Variants in PRKCQ observed in about 807,000 individuals in gnomAD.
PRKCQ encodes the protein protein kinase C theta type.
PRKCQ carries 41 observed loss-of-function variants against 91.2 expected under a neutral mutation model. The observed-to-expected ratio is 0.45, with a 90% confidence interval of 0.35 to 0.58. The LOEUF is 0.58. PRKCQ is among the 20% of genes least tolerant of loss of function. The probability of loss-of-function intolerance (pLI) is 0.00; values close to 1 mark genes in which losing one functional copy is unlikely to be tolerated. For synonymous variants in PRKCQ, 307 were observed against 316.9 expected (o/e 0.97, Z 0.33); for missense variants, 673 against 896.5 (o/e 0.75, Z 3.18).
chr10:6,399,397 C>G, the PRKCQ span, among the ~76,000 whole-genome samples: 1 of 152,336 alleles, frequency 6.6e-6, no homozygotes, highest in East Asian at 1.9e-4. Context: ...TGCTCCCTGC[C>G]TAGCCTGGAG....
chr10:6,568,274 CA>C (rs952282163), intron 1 of PRKCQ, among the ~76,000 whole-genome samples: 12 of 151,666 alleles, frequency 7.9e-5, no homozygotes, highest in Non-Finnish European at 1.2e-4. Context: ...CCAAAACTAA[CA>C]AAAAAAATTA....
chr10:6,495,528 G>T (rs1837540201), intron 7 of PRKCQ, among the ~76,000 whole-genome samples: 1 of 152,198 alleles, frequency 6.6e-6, no homozygotes, highest in Admixed American at 6.5e-5. Flanking sequence ...GTCTCAGTAG[G>T]CCACATGCTT....
the PRKCQ span, among the ~76,000 whole-genome samples, chr10:6,395,737 G>A: frequency 1.3e-5 from 2 of 152,194 alleles, no homozygotes; most frequent in Non-Finnish European, 2.9e-5. Flanking sequence ...AACAAGGACA[G>A]CTTGGAGGTT....
At chr10:6,562,674 C>T (rs941896777) in intron 1 of PRKCQ, among the ~76,000 whole-genome samples, 3 of 152,210 alleles carry the variant, frequency 2.0e-5, no homozygotes, top group Non-Finnish European at 4.4e-5. Context: ...GTCCCAAAAT[C>T]AGGCTTTGCT....
At chr10:6,525,752 T>C (rs1052952817) in intron 1 of PRKCQ, among the ~76,000 whole-genome samples, 2 of 152,220 alleles carry the variant, frequency 1.3e-5, no homozygotes, top group Non-Finnish European at 2.9e-5. Context: ...CAGAGGGTCA[T>C]TCCCAGGTTG....
the PRKCQ span, among the ~76,000 whole-genome samples, chr10:6,404,256 GAGAGAGA>G: frequency 6.3e-3 from 73 of 11,530 alleles, no homozygotes; most frequent in Admixed American, 9.7e-3. Context: ...AAGGGGGGGG[GAGAGAGA>G]GAGAGAGAGA....
intron 1 of PRKCQ, among the ~76,000 whole-genome samples, chr10:6,574,031 C>T (rs973676138): frequency 6.6e-6 from 1 of 152,124 alleles, no homozygotes; most frequent in Non-Finnish European, 1.5e-5. Flanking sequence ...CCGGAGGATC[C>T]CTTGAGCCTC....
intron 9 of PRKCQ, among the ~76,000 whole-genome samples, chr10:6,485,722 T>C (rs1836869542): frequency 6.6e-6 from 1 of 152,232 alleles, no homozygotes. Context: ...CCCCAGGCTA[T>C]TCTATAACCC....
intron 7 of PRKCQ, among the ~76,000 whole-genome samples, chr10:6,493,877 G>A (rs1837452959): frequency 6.6e-6 from 1 of 152,122 alleles, no homozygotes; most frequent in Non-Finnish European, 1.5e-5. Context: ...TAAATGTTAG[G>A]AGAAATTCTA....
At chr10:6,562,717 C>T (rs1840680333) in intron 1 of PRKCQ, among the ~76,000 whole-genome samples, 1 of 152,210 alleles carries the variant, frequency 6.6e-6, no homozygotes, top group African/African-American at 2.4e-5. Flanking sequence ...ATCATGGCAT[C>T]AAACTGCTTG....
the PRKCQ span, among the ~76,000 whole-genome samples, chr10:6,418,832 T>C: frequency 6.6e-6 from 1 of 152,242 alleles, no homozygotes; most frequent in Non-Finnish European, 1.5e-5. Context: ...CATCCATCTA[T>C]CTACCTATGT....
At chr10:6,532,614 C>T (rs772205028) in intron 1 of PRKCQ, among the ~76,000 whole-genome samples, 27 of 152,330 alleles carry the variant, frequency 1.8e-4, no homozygotes, top group East Asian at 1.5e-3. Context: ...CCTGTTCTTA[C>T]AAGACACCAA....
At chr10:6,523,392 A>C (rs1439157404) in intron 1 of PRKCQ, among the ~76,000 whole-genome samples, 1 of 152,212 alleles carries the variant, frequency 6.6e-6, no homozygotes. Flanking sequence ...TCGAGGCTGC[A>C]GTGAGCTGTG....
intron 1 of PRKCQ, among the ~76,000 whole-genome samples, chr10:6,573,988 C>T (rs917991894): frequency 3.3e-5 from 5 of 152,204 alleles, no homozygotes; most frequent in Non-Finnish European, 7.3e-5. Flanking sequence ...TGGTGGCATG[C>T]AACTGTAGTC....
chr10:6,431,280 G>A lies in PRKCQ; in HGVS notation c.1837-342C>T, dbSNP rs577614255. ...GCCCTCCTAACAGGGCTGATGTGAC[G>A]ATTTATAAGACAGCAATACACACAC... On this transcript the variant is annotated intron_variant, in intron 16 of 17. Coordinates refer to ENST00000263125, the MANE Select transcript of PRKCQ (RefSeq NM_006257.5). Among the ~76,000 whole-genome samples the A allele has an allele frequency of 1.8e-4, 27 of 152,266 alleles. No individual in the cohort carries two copies. In the South Asian group the frequency reaches 5.6e-3, roughly 32 times the overall value.
chr10:6,445,400 G>A (rs553669395), intron 15 of PRKCQ, among the ~76,000 whole-genome samples: 7 of 152,126 alleles, frequency 4.6e-5, no homozygotes, highest in Admixed American at 6.5e-5. Context: ...CATGTAAAAC[G>A]TCACAGGCTC....
intron 1 of PRKCQ, among the ~76,000 whole-genome samples, chr10:6,535,317 A>G (rs913498493): frequency 3.3e-5 from 5 of 152,228 alleles, no homozygotes; most frequent in African/African-American, 1.2e-4. Flanking sequence ...CCTGTTTCCA[A>G]GAATCCTCCA....
chr10:6,413,525 A>C, the PRKCQ span, among the ~76,000 whole-genome samples: 1 of 142,498 alleles, frequency 7.0e-6, no homozygotes. Flanking sequence ...CACTGGATTA[A>C]ATGCCACTTG....
In PRKCQ at chr10:6,545,575, G is replaced by T. The variant is rs760865898; in HGVS notation, c.-9-30431C>A. 3.4e-4 allele frequency among the ~76,000 whole-genome samples: 52 copies of T among 152,178 alleles called. 1 individual carries two copies. Among genetic ancestry groups the T allele is most frequent in the Non-Finnish European group, 6.6e-4 (45 of 68,032 alleles). ...CACTGAGGGTAGAATTGTGGCTCCCGGGAACTTGGAAGGGGGGAAATGGGG... is the reference window on the plus strand; with the variant it reads ...CACTGAGGGTAGAATTGTGGCTCCCTGGAACTTGGAAGGGGGGAAATGGGG... On this transcript the variant is annotated intron_variant, in intron 1 of 17. Transcript: ENST00000263125.
Sources: allele counts gnomAD v4.1 joint callset (sites outside exome capture counted in the v4.1 genomes callset), GRCh38; gene constraint gnomAD v4.1.1; transcripts MANE v1.5; gene names NCBI Gene and HGNC (gene_info 2026-07-23, HGNC 2026-07-21).